The following ZMAT3 variants were observed in gnomAD, a reference collection of about 807,000 sequenced individuals.
ZMAT3 encodes zinc finger matrin-type 3, also known as zinc finger matrin-type protein 3.
In ZMAT3, 17 loss-of-function variants were observed where a neutral mutation model predicts 32.3. The ratio of observed to expected loss-of-function variants is 0.53; its 90% CI spans 0.36 to 0.79. ZMAT3 has a LOEUF of 0.79. Ranked by LOEUF, ZMAT3 falls within the 30% of genes least tolerant of loss-of-function variation. ZMAT3 has a pLI of 0.00. For missense variants in ZMAT3, 329 were observed against 359.7 expected, an observed-to-expected ratio of 0.91 and a Z score of 0.69; for synonymous variants, 120 against 133.1, an observed-to-expected ratio of 0.90 and a Z score of 0.68.
At chr3:179,070,157 TA>T in intron 1 of ZMAT3, among the ~76,000 whole-genome samples, 1 of 152,110 alleles carries the variant, frequency 6.6e-6, no homozygotes, top group African/African-American at 2.4e-5. Context: ...ATCAGCAATA[TA>T]AACAGAAAAT....
At chr3:179,048,171 G>A (rs1447726913) in intron 2 of ZMAT3, among the ~76,000 whole-genome samples, 2 of 152,084 alleles carry the variant, frequency 1.3e-5, no homozygotes, top group South Asian at 2.1e-4. Flanking sequence ...TACGATAAAC[G>A]ACCAAACCTA....
intron 1 of ZMAT3, 152 bp downstream of exon 1, chr3:179,071,443 A>C (rs1721709338): frequency 6.6e-6 from 1 of 152,316 alleles, no homozygotes; most frequent in South Asian, 2.1e-4. Flanking sequence ...GTCCACGTGA[A>C]ATGCCTGAAA....
At chr3:179,027,314 C>T in intron 5 of ZMAT3, 109 bp downstream of exon 5, 1 of 938,576 alleles carries the variant, frequency 1.1e-6, no homozygotes, top group Non-Finnish European at 1.6e-6. Flanking sequence ...TTCAATAAAA[C>T]ACTGACTAAC....
chr3:179,034,100 A>T (rs576470227), intron 2 of ZMAT3, among the ~76,000 whole-genome samples: 1 of 152,364 alleles, frequency 6.6e-6, no homozygotes, highest in South Asian at 2.1e-4. Flanking sequence ...TAAGGGTAAA[A>T]CAGTATATTA....
At chr3:179,045,300 G>A (rs564495322) in intron 2 of ZMAT3, among the ~76,000 whole-genome samples, 5 of 152,024 alleles carry the variant, frequency 3.3e-5, no homozygotes, top group South Asian at 4.1e-4. Context: ...TAGGTATTAC[G>A]AAACAGAAAC....
intron 2 of ZMAT3, among the ~76,000 whole-genome samples, chr3:179,054,492 G>C (rs368709223): frequency 1.3e-5 from 2 of 152,148 alleles, no homozygotes; most frequent in African/African-American, 4.8e-5. Flanking sequence ...ATTTAAATCT[G>C]TGTTAATTTC....
chr3:179,040,059 C>T (rs1044301217), intron 2 of ZMAT3, among the ~76,000 whole-genome samples: 5 of 152,094 alleles, frequency 3.3e-5, no homozygotes, highest in Admixed American at 2.0e-4. Flanking sequence ...ATGAACAAAG[C>T]CTCCAAGAAA....
chr3:179,058,755 CAAA>C (rs56006230), intron 2 of ZMAT3, among the ~76,000 whole-genome samples: 1 of 68,216 alleles, frequency 1.5e-5, no homozygotes, highest in Non-Finnish European at 3.0e-5. Flanking sequence ...GACTCCGTCT[CAAA>C]AAAAAAAAAA....
chr3:179,032,712 G>A (rs1259498152), intron 2 of ZMAT3, among the ~76,000 whole-genome samples: 4 of 149,058 alleles, frequency 2.7e-5, no homozygotes, highest in African/African-American at 1.0e-4. Flanking sequence ...TGGGAGGTGA[G>A]GAGCGTCTCT....
At position 179,046,492 on chromosome 3, in the gene ZMAT3, C is replaced by T. The variant is rs1453804786; in HGVS notation, c.271-15493G>A. On this transcript the variant is annotated intron_variant, in intron 2 of 5. Transcript: ENST00000311417. This position sits in a 1 kb window ranked among gnomAD's most constrained non-coding sequence, Gnocchi z 4.3. Reference sequence around the variant, plus strand: ...CTACAGCAGGAACATACCAGGAAAGCGGAGGGTATTCACAGGCCCTTTGAA... The same window carrying T: ...CTACAGCAGGAACATACCAGGAAAGTGGAGGGTATTCACAGGCCCTTTGAA... 3.3e-5 allele frequency among the ~76,000 whole-genome samples: 5 copies of T among 152,144 alleles called. No homozygotes were observed. Among genetic ancestry groups the T allele is most frequent in the South Asian group, 2.1e-4 (1 of 4,822 alleles).
At chr3:179,040,111 G>T (rs1419157358) in intron 2 of ZMAT3, among the ~76,000 whole-genome samples, 1 of 152,220 alleles carries the variant, frequency 6.6e-6, no homozygotes, top group East Asian at 1.9e-4. Context: ...TTTGATTGGT[G>T]TACCTGAAAG....
chr3:179,032,685 C>T (rs1222711635), intron 2 of ZMAT3, among the ~76,000 whole-genome samples: 1 of 150,928 alleles, frequency 6.6e-6, no homozygotes, highest in East Asian at 2.0e-4. Flanking sequence ...GTGTGTCTGC[C>T]CCACCACCAC....
chr3:179,060,225 AAGAT>A lies in ZMAT3; in HGVS notation c.270+7254_270+7257del, dbSNP rs545061356. On this transcript the variant is annotated intron_variant, in intron 2 of 5. Coordinates refer to ENST00000311417, the MANE Select transcript of ZMAT3 (RefSeq NM_022470.4). The stretch of plus-strand genomic sequence containing the variant: ...AATTAAAACAAAAAAAGAATGATAA[AAGAT>A]AGCAGAGACAAACAATATAAAGTAT... Among the ~76,000 whole-genome samples, 22 of 116,220 alleles carry A rather than the reference AAGAT, an allele frequency of 1.9e-4. No homozygotes were observed. In the East Asian group the frequency reaches 6.9e-3, roughly 37 times the overall value. The allele number at this position is 116,220 out of a possible 152,430, so 76.2% of individuals were successfully genotyped here. A position where few individuals can be genotyped will look rare whatever the true frequency, so the allele number is the denominator to read the frequency against.
intron 3 of ZMAT3, among the ~76,000 whole-genome samples, chr3:179,029,617 C>T (rs1719071991): frequency 6.6e-6 from 1 of 152,042 alleles, no homozygotes; most frequent in Non-Finnish European, 1.5e-5. Context: ...GCACACACCA[C>T]CACACCCAGC....
At position 179,047,748 on chromosome 3, in the gene ZMAT3, A is replaced by T. The variant is rs902735612; in HGVS notation, c.271-16749T>A. ...GTGGTGCTCGCCTATAGTCTCAGCT[A>T]CTCAGGAGGCTGAAGCAGGAGAATC... On this transcript the variant is annotated intron_variant, in intron 2 of 5. Coordinates refer to ENST00000311417, the MANE Select transcript of ZMAT3 (RefSeq NM_022470.4). 2.6e-5 allele frequency among the ~76,000 whole-genome samples: 4 copies of T among 152,010 alleles called. No individual in the cohort carries two copies. The East Asian group carries it at 7.7e-4, about 29-fold the overall frequency.
In ZMAT3 at chr3:179,023,059, T is replaced by A. The variant is rs1239360574; in HGVS notation, c.*1958A>T. On this transcript the variant is annotated 3_prime_UTR_variant, in exon 6 of 6. Transcript: ENST00000311417. ...AGTGGGCTTTCAAAAGAAATACGGA[T>A]GACCACTGGTCTTACCCATATAAAA... The A allele has an allele frequency of 6.6e-6, 1 of 152,176 alleles. No homozygotes were observed. Among genetic ancestry groups the A allele is most frequent in the African/African-American group, 2.4e-5 (1 of 41,454 alleles). 9.4% of individuals were successfully genotyped at this position (152,176 alleles called of 1,614,324 possible).
At chr3:179,030,400 G>A (rs566772902) in intron 3 of ZMAT3, among the ~76,000 whole-genome samples, 1 of 149,846 alleles carries the variant, frequency 6.7e-6, no homozygotes, top group South Asian at 2.1e-4. Flanking sequence ...TGTTGCCCAG[G>A]CTGGAGTGCA....
chr3:179,066,827 G>T (rs1041992267), intron 2 of ZMAT3, among the ~76,000 whole-genome samples: 1 of 152,156 alleles, frequency 6.6e-6, no homozygotes, highest in African/African-American at 2.4e-5. Context: ...ATTCAACATG[G>T]AGGTGAAAGC....
In ZMAT3 at chr3:179,067,592, G is replaced by T; in HGVS notation, c.161C>A (p.Ser54Ter). The T allele has an allele frequency of 6.2e-7, 1 of 1,614,102 alleles. No homozygotes were observed. Among genetic ancestry groups the T allele is most frequent in the Non-Finnish European group, 8.5e-7 (1 of 1,180,020 alleles). ...GGCACAGTCTTGCTCCCCTCCCTTC[G>T]ATAACTCTTCTTCCCCTGCAAGAGG... ...SLPLAGEEEL[S>*]KGGEQDCALE... The change falls in exon 2 of 6, where the codon TCG (serine) becomes TAG (stop). Residue 54 changes from serine (S) to a stop codon, truncating the protein, a stop_gained. Coordinates refer to ENST00000311417, the MANE Select transcript of ZMAT3 (RefSeq NM_022470.4). LOFTEE classifies it high-confidence loss of function.
Sources: allele counts gnomAD v4.1 joint callset (sites outside exome capture counted in the v4.1 genomes callset), GRCh38; gene constraint gnomAD v4.1.1; non-coding constraint Gnocchi (gnomAD v3.1); transcripts MANE v1.5; gene names NCBI Gene and HGNC (gene_info 2026-07-23, HGNC 2026-07-21).